Variants in PPP2R2D observed in about 807,000 individuals in gnomAD.
PPP2R2D encodes the protein serine/threonine-protein phosphatase 2A 55 kDa regulatory subunit B delta isoform.
In PPP2R2D, 9 loss-of-function variants were observed where a neutral mutation model predicts 31.1. That is an observed-to-expected ratio of 0.29 (90% CI 0.17 to 0.51). PPP2R2D has a LOEUF of 0.51. Among genes scored for constraint, PPP2R2D ranks in the 20% least tolerant of loss-of-function variants. The probability of loss-of-function intolerance (pLI) is 0.98; values close to 1 mark genes in which losing one functional copy is unlikely to be tolerated. For missense variants in PPP2R2D, 391 were observed against 465.6 expected, an observed-to-expected ratio of 0.84 and a Z score of 1.48; for synonymous variants, 179 against 172.6, an observed-to-expected ratio of 1.04 and a Z score of -0.29.
intron 3 of PPP2R2D, among the ~76,000 whole-genome samples, chr10:131,937,987 C>G (rs1226830800): frequency 6.7e-6 from 1 of 149,810 alleles, no homozygotes; most frequent in Non-Finnish European, 1.5e-5. Context: ...CCCTGCCTGT[C>G]AGACTCAGTG....
At chr10:131,963,138 C>G (rs1554901722), downstream of PPP2R2D, among the ~76,000 whole-genome samples, 1 of 152,162 alleles carries the variant, frequency 6.6e-6, no homozygotes, top group Non-Finnish European at 1.5e-5. Flanking sequence ...GTACTCCAGC[C>G]TAGGCGACAG....
Position 131,947,926 on chromosome 10 carries a change from T to C in PPP2R2D, c.1082+135T>C, listed in dbSNP as rs1021375383. ...GGGTGTTGTTTTCCAGACCTTTTGA[T>C]TGATGGATGATAGTATCAAGGTAGA... On this transcript the variant is annotated intron_variant, in intron 8 of 8. Transcript: ENST00000455566. The surrounding 1 kb of genome is among the most constrained non-coding windows in gnomAD (Gnocchi z 4.3). The C allele has an allele frequency of 9.3e-7, 1 of 1,073,730 alleles. No homozygotes were observed. Among genetic ancestry groups the C allele is most frequent in the Non-Finnish European group, 1.3e-6 (1 of 745,464 alleles). 66.5% of individuals were successfully genotyped at this position (1,073,730 alleles called of 1,614,324 possible). A position where few individuals can be genotyped will look rare whatever the true frequency, so the allele number is the denominator to read the frequency against.
At chr10:131,964,045 G>A (rs550128199), downstream of PPP2R2D, among the ~76,000 whole-genome samples, 6 of 152,278 alleles carry the variant, frequency 3.9e-5, no homozygotes, top group South Asian at 1.2e-3. Flanking sequence ...GTGTGGGCAG[G>A]CATTTTGTAG....
intron 2 of PPP2R2D, among the ~76,000 whole-genome samples, chr10:131,915,062 T>C (rs1227322357): frequency 6.6e-6 from 1 of 151,934 alleles, no homozygotes; most frequent in Non-Finnish European, 1.5e-5. Flanking sequence ...TAGGCTGCCA[T>C]TTTGTCATGT....
Position 131,947,463 on chromosome 10 carries a change from G to T in PPP2R2D, c.821-67G>T, listed in dbSNP as rs2119926309. The stretch of plus-strand genomic sequence containing the variant: ...TCTCTGAAGGGGCCACTTCCTACTT[G>T]AACTTGAAAATGATTTGTTCTCTGA... On this transcript the variant is annotated intron_variant, in intron 7 of 8. Transcript: ENST00000455566. The surrounding 1 kb of genome is among the most constrained non-coding windows in gnomAD (Gnocchi z 4.3). 9.8e-6 allele frequency: 15 copies of T among 1,531,524 alleles called. No individual in the cohort carries two copies. The South Asian group carries it at 1.6e-4, about 16-fold the overall frequency. 94.9% of individuals were successfully genotyped at this position (1,531,524 alleles called of 1,614,324 possible). A position where few individuals can be genotyped will look rare whatever the true frequency, so the allele number is the denominator to read the frequency against.
intron 2 of PPP2R2D, among the ~76,000 whole-genome samples, chr10:131,909,871 TA>T (rs1260756527): frequency 3.3e-5 from 5 of 152,344 alleles, no homozygotes; most frequent in Middle Eastern, 3.4e-3. Flanking sequence ...CATGTTAACA[TA>T]ACCTTTTTAA....
rs1554896990 is a variant in PPP2R2D at position 131,940,066 on chromosome 10, T to C, written c.234T>C (p.Asn78=). ...GCCCTCATTCTAGGGGAGAATATAA[T>C]GTTTACAGCACCTTTCAAAGTCATG... ...KSRPHSRGEY[N]VYSTFQSHEP... Residue 78 remains asparagine (N), a synonymous_variant, in exon 4 of 9, where the codon AAT becomes AAC. Transcript: ENST00000455566. 2.6e-6 allele frequency: 2 copies of C among 771,914 alleles called. No homozygotes were observed. Among genetic ancestry groups the C allele is most frequent in the South Asian group, 1.4e-5 (1 of 72,902 alleles). The allele number at this position is 771,914 out of a possible 1,614,324, so 47.8% of individuals were successfully genotyped here.
chr10:131,920,396 GAC>G (rs1244126334), intron 2 of PPP2R2D, among the ~76,000 whole-genome samples: 6 of 144,468 alleles, frequency 4.2e-5, no homozygotes, highest in Non-Finnish European at 7.6e-5. Context: ...TGGGTGGAGT[GAC>G]ACAGTGTAGG....
intron 2 of PPP2R2D, among the ~76,000 whole-genome samples, chr10:131,916,554 C>A (rs541361238): frequency 6.6e-6 from 1 of 152,126 alleles, no homozygotes; most frequent in Non-Finnish European, 1.5e-5. Flanking sequence ...CCTTCCCCGG[C>A]CCCTGGCGAC....
At chr10:131,908,669 G>C (rs1344741457) in intron 2 of PPP2R2D, among the ~76,000 whole-genome samples, 2 of 152,168 alleles carry the variant, frequency 1.3e-5, no homozygotes, top group African/African-American at 4.8e-5. Context: ...TCTGTTAAAC[G>C]GGTACTATTA....
At position 131,945,436 on chromosome 10, in the gene PPP2R2D, C is replaced by T; in HGVS notation, c.797C>T (p.Ala266Val). 6.2e-7 allele frequency: 1 copy of T among 1,613,050 alleles called. No homozygotes were observed. The highest frequency in any genetic ancestry group is 8.5e-7 in the Non-Finnish European group (1 of 1,179,376). The change falls in exon 7 of 9, where the codon GCC (alanine) becomes GTC (valine). Residue 266 changes from alanine (A) to valine (V), a missense_variant. Ala to Val is a moderately conservative substitution (Grantham distance 64). Transcript: ENST00000455566. The surrounding 1 kb of genome is among the most constrained non-coding windows in gnomAD (Gnocchi z 4.8). ...CGCCTGTGTGACATGCGCTCCTCGG[C>T]CCTGTGCGACAGACACTCCAAGTGT... ...TIRLCDMRSS[A>V]LCDRHSKFFE...
At position 131,940,024 on chromosome 10, in the gene PPP2R2D, C is replaced by T. The variant is rs375653596; in HGVS notation, c.199-7C>T. On this transcript the variant is annotated splice_region_variant and splice_polypyrimidine_tract_variant and intron_variant, in intron 3 of 8. Coordinates refer to ENST00000455566, the MANE Select transcript of PPP2R2D (RefSeq NM_018461.5). ...TTCATTAAAACAGCTCTCATGTTTC[C>T]TTGCAGAATAAAAGCCGCCCTCATT... is the stretch of plus-strand genomic sequence containing the variant. 4 of 715,086 alleles carry T rather than the reference C, an allele frequency of 5.6e-6. No homozygotes were observed. Among genetic ancestry groups the T allele is most frequent in the African/African-American group, 5.3e-5 (3 of 56,720 alleles). The allele number at this position is 715,086 out of a possible 1,614,324, so 44.3% of individuals were successfully genotyped here. A position where few individuals can be genotyped will look rare whatever the true frequency, so the allele number is the denominator to read the frequency against.
downstream of PPP2R2D, among the ~76,000 whole-genome samples, chr10:131,962,937 G>GC: frequency 6.6e-6 from 1 of 152,304 alleles, no homozygotes; most frequent in South Asian, 2.1e-4. Flanking sequence ...AGCTGAGGTG[G>GC]GCGGATCACG....
chr10:131,918,572 GTGTT>G (rs200208480), intron 2 of PPP2R2D, among the ~76,000 whole-genome samples: 2 of 149,478 alleles, frequency 1.3e-5, no homozygotes, highest in Non-Finnish European at 3.0e-5. Context: ...GAATGACACA[GTGTT>G]TGTAGGGACC....
the PPP2R2D span, chr10:131,968,598 G>A: frequency 1.9e-6 from 3 of 1,561,852 alleles, no homozygotes; most frequent in Non-Finnish European, 2.6e-6. Context: ...AGTAGTTAAT[G>A]TATCTTGTGA....
intron 6 of PPP2R2D, among the ~76,000 whole-genome samples, chr10:131,944,735 T>C (rs1289077806): frequency 6.6e-6 from 1 of 152,232 alleles, no homozygotes; most frequent in Non-Finnish European, 1.5e-5. Context: ...CTTAGTTGTT[T>C]CAGCTTGAAG....
chr10:131,943,920 G>T, intron 5 of PPP2R2D, 48 bp from the exon 6 acceptor site: 1 of 753,558 alleles, frequency 1.3e-6, no homozygotes, highest in Non-Finnish European at 2.4e-6. Context: ...TTCTAATTAT[G>T]TGCTGCTGTG....
intron 2 of PPP2R2D, among the ~76,000 whole-genome samples, chr10:131,926,261 C>A (rs893682568): frequency 6.6e-6 from 1 of 152,116 alleles, no homozygotes; most frequent in East Asian, 1.9e-4. Flanking sequence ...TAATTCACTT[C>A]TATTAGTTTA....
chr10:131,964,314 A>G (rs1016431030), downstream of PPP2R2D, among the ~76,000 whole-genome samples: 42 of 152,218 alleles, frequency 2.8e-4, no homozygotes, highest in African/African-American at 8.7e-4. Flanking sequence ...GTATTTGCCT[A>G]ATGGTGACTT....
Sources: gnomAD v4.1 joint callset for allele counts (sites outside exome capture counted in the v4.1 genomes callset) on GRCh38, gnomAD v4.1.1 for gene constraint, Gnocchi (gnomAD v3.1) non-coding constraint, MANE v1.5 for transcripts, NCBI Gene and HGNC (gene_info 2026-07-23, HGNC 2026-07-21) for gene names.